The following FBXO32 variants were observed in gnomAD, a reference collection of about 807,000 sequenced individuals.
FBXO32 encodes the protein F-box only protein 32.
FBXO32 carries 15 observed loss-of-function variants against 48.3 expected under a neutral mutation model. The observed-to-expected ratio is 0.31, with a 90% CI of 0.21 to 0.48. The LOEUF is 0.48. Ranked by LOEUF, FBXO32 falls within the 20% of genes least tolerant of loss-of-function variation. The pLI, the probability that FBXO32 is intolerant of heterozygous loss-of-function variation, is 0.99. For missense variants in FBXO32, 309 were observed against 432.7 expected (o/e 0.71, Z 2.54); for synonymous variants, 154 against 165.9 (o/e 0.93, Z 0.55).
intron 5 of FBXO32, 80 bp downstream of exon 5, chr8:123,514,160 G>T: frequency 1.0e-6 from 1 of 965,422 alleles, no homozygotes; most frequent in South Asian, 1.6e-5. Flanking sequence ...TAAGTCTAAT[G>T]ACACGTCCAC....
intron 5 of FBXO32, 81 bp downstream of exon 5, chr8:123,514,159 T>C (rs1816791478): frequency 3.2e-6 from 3 of 944,576 alleles, no homozygotes; most frequent in Non-Finnish European, 1.6e-6. Flanking sequence ...TTAAGTCTAA[T>C]GACACGTCCA....
chr8:123,504,512 C>T (rs1324348947), intron 8 of FBXO32, 92 bp downstream of exon 8: 7 of 1,041,188 alleles, frequency 6.7e-6, no homozygotes, highest in East Asian at 7.8e-5. Flanking sequence ...GGGGAAGAGG[C>T]GGAAAGGCGC....
intron 6 of FBXO32, among the ~76,000 whole-genome samples, chr8:123,511,563 A>G (rs868823820): frequency 4.2e-4 from 64 of 151,348 alleles, no homozygotes; most frequent in African/African-American, 1.5e-3. Flanking sequence ...GCAACCTTCA[A>G]CTCCCAGGTT....
Position 123,512,529 on chromosome 8 carries a change from C to CTT in FBXO32, c.651+667_651+668dup, listed in dbSNP as rs1205869212. Among the ~76,000 whole-genome samples, 743 of 135,374 alleles carry CTT rather than the reference C, an allele frequency of 5.5e-3. 5 individuals carry two copies. Among genetic ancestry groups the CTT allele is most frequent in the African/African-American group, 0.018 (646 of 36,546 alleles). The allele number at this position is 135,374 out of a possible 152,430, so 88.8% of individuals were successfully genotyped here. On this transcript the variant is annotated intron_variant, in intron 6 of 8. Transcript: ENST00000517956. The stretch of plus-strand genomic sequence containing the variant: ...AGAGATTACACCAGCGTCTTCCTCC[C>CTT]TTTTTTTTTTTTTTTTTTTCTTGTG...
At position 123,506,400 on chromosome 8, in the gene FBXO32, C is replaced by A; in HGVS notation, c.826G>T (p.Glu276Ter). 2 of 1,613,624 alleles carry A rather than the reference C, an allele frequency of 1.2e-6. No homozygotes were observed. The highest frequency in any genetic ancestry group is 2.2e-5 in the South Asian group (2 of 90,982). ...WKKLCQYHFSERQIRKRLILS... is the reference protein window; with the variant it reads ...WKKLCQYHFS ...CACTGGGCCTTGCTGACCTGCCGCT[C>A]GGAGAAGTGGTACTGGCAGAGTTTC... Residue 276 changes from glutamate to a stop codon, truncating the protein, a stop_gained, in exon 7 of 9, where the codon GAG becomes TAG. Coordinates refer to ENST00000517956, the MANE Select transcript of FBXO32 (RefSeq NM_058229.4). LOFTEE classifies it high-confidence loss of function. This position sits in a 1 kb window ranked among gnomAD's most constrained non-coding sequence, Gnocchi z 4.0.
chr8:123,522,371 G>A (rs1171352659), intron 4 of FBXO32, among the ~76,000 whole-genome samples: 1 of 151,918 alleles, frequency 6.6e-6, no homozygotes, highest in Non-Finnish European at 1.5e-5. Context: ...ACCATGTCCG[G>A]CTGATTTTTG....
At position 123,506,238 on chromosome 8, in the gene FBXO32, A is replaced by C. The variant is rs1816615321; in HGVS notation, c.834+154T>G. On this transcript the variant is annotated intron_variant, in intron 7 of 8. Transcript: ENST00000517956. This position sits in a 1 kb window ranked among gnomAD's most constrained non-coding sequence, Gnocchi z 4.0. ...AGCGAGACCCTGTCTCAAAAAACAA[A>C]ATCACAAAACTCCTTCAACTGTCAT... Among the ~76,000 whole-genome samples, 6 of 152,128 alleles carry C rather than the reference A, an allele frequency of 3.9e-5. No individual in the cohort carries two copies. Among genetic ancestry groups the C allele is most frequent in the Admixed American group, 3.9e-4 (6 of 15,264 alleles).
At chr8:123,519,467 C>T (rs1313176252) in intron 4 of FBXO32, among the ~76,000 whole-genome samples, 1 of 147,600 alleles carries the variant, frequency 6.8e-6, no homozygotes, top group African/African-American at 2.5e-5. Context: ...AGGAGAATGG[C>T]GTGAACCCGG....
chr8:123,504,804 G>T, intron 7 of FBXO32, 57 bp from the exon 8 acceptor site: 2 of 1,559,568 alleles, frequency 1.3e-6, no homozygotes. Flanking sequence ...AAGATGGCTT[G>T]TGGTTTTCCG....
rs529290013 is a variant in FBXO32 at position 123,523,036 on chromosome 8, G to A, written c.373-8703C>T. Among the ~76,000 whole-genome samples, 52 of 152,294 alleles carry A rather than the reference G, an allele frequency of 3.4e-4. No homozygotes were observed. The Middle Eastern group carries it at 0.01, about 30-fold the overall frequency. ...AAGCATTCATTTAAAGCAATTTGCC[G>A]CATGTGGAGACCTAGAAGGAGGATG... On this transcript the variant is annotated intron_variant, in intron 4 of 8. Coordinates refer to ENST00000517956, the MANE Select transcript of FBXO32 (RefSeq NM_058229.4).
At chr8:123,520,100 TTTTA>T (rs1816921707) in intron 4 of FBXO32, among the ~76,000 whole-genome samples, 1 of 151,886 alleles carries the variant, frequency 6.6e-6, no homozygotes, top group Admixed American at 6.6e-5. Flanking sequence ...AATTTATCGA[TTTTA>T]TTTGTGTTAA....
chr8:123,539,137 GGTAA>G (rs1817365426), intron 1 of FBXO32, among the ~76,000 whole-genome samples: 1 of 152,018 alleles, frequency 6.6e-6, no homozygotes, highest in African/African-American at 2.4e-5. Flanking sequence ...TCCCGAGTAG[GGTAA>G]GTATTAATAC....
Position 123,540,528 on chromosome 8 carries a change from C to T in FBXO32, c.116+371G>A, listed in dbSNP as rs561180786. Among the ~76,000 whole-genome samples, 1 of 152,360 alleles carries T rather than the reference C, an allele frequency of 6.6e-6. No individual in the cohort carries two copies. Among genetic ancestry groups the T allele is most frequent in the African/African-American group, 2.4e-5 (1 of 41,596 alleles). On this transcript the variant is annotated intron_variant, in intron 1 of 8. Coordinates refer to ENST00000517956, the MANE Select transcript of FBXO32 (RefSeq NM_058229.4). This position sits in a 1 kb window ranked among gnomAD's most constrained non-coding sequence, Gnocchi z 6.4. ...GGCTCAGCCCACCCGCCCGCGCCCC[C>T]ACATGGGCAAAGTGCGCGACTCCGG...
chr8:123,538,408 G>A (rs922884606), intron 1 of FBXO32, among the ~76,000 whole-genome samples: 2 of 152,124 alleles, frequency 1.3e-5, no homozygotes, highest in East Asian at 1.9e-4. Context: ...TCTGTTTCAC[G>A]GTCCCTCCCC....
chr8:123,504,940 C>T (rs1480655463), intron 7 of FBXO32, among the ~76,000 whole-genome samples, 193 bp from the exon 8 acceptor site: 1 of 151,936 alleles, frequency 6.6e-6, no homozygotes, highest in East Asian at 1.9e-4. Context: ...AGCTTTTAAC[C>T]AAGCTTAAAA....
At chr8:123,510,337 C>T (rs1256557618) in intron 6 of FBXO32, among the ~76,000 whole-genome samples, 9 of 152,130 alleles carry the variant, frequency 5.9e-5, no homozygotes, top group Non-Finnish European at 1.2e-4. Flanking sequence ...TGGGGCCGGG[C>T]GCGGTGGCTC....
intron 6 of FBXO32, among the ~76,000 whole-genome samples, chr8:123,507,804 G>T (rs1477377071): frequency 1.3e-5 from 2 of 152,096 alleles, no homozygotes; most frequent in East Asian, 3.8e-4. Context: ...GCCTACTATG[G>T]CCTGGTGCTG....
intron 1 of FBXO32, 73 bp from the exon 2 acceptor site, chr8:123,534,887 C>T (rs1333649386): frequency 1.4e-5 from 12 of 876,938 alleles, no homozygotes; most frequent in Non-Finnish European, 2.2e-5. Context: ...CTATAAATAA[C>T]TCACTGAGTT....
At chr8:123,509,415 G>T (rs1016887903) in intron 6 of FBXO32, among the ~76,000 whole-genome samples, 2 of 152,070 alleles carry the variant, frequency 1.3e-5, no homozygotes, top group Non-Finnish European at 2.9e-5. Context: ...GCTTCTGTGT[G>T]GAGGCTGGGC....
Sources: allele counts gnomAD v4.1 joint callset (sites outside exome capture counted in the v4.1 genomes callset), GRCh38; gene constraint gnomAD v4.1.1; non-coding constraint Gnocchi (gnomAD v3.1); transcripts MANE v1.5; gene names NCBI Gene and HGNC (gene_info 2026-07-23, HGNC 2026-07-21).